The following SENP8 variants were observed in gnomAD, a reference collection of about 807,000 sequenced individuals.
SENP8 encodes the protein SUMO peptidase family member, NEDD8 specific.
Under a neutral mutation model 14.4 loss-of-function variants are expected in SENP8, and 10 were observed. That is an observed-to-expected ratio of 0.69 (90% CI 0.43 to 1.18). The LOEUF (loss-of-function observed/expected upper bound fraction) is 1.18. Among genes scored for constraint, SENP8 ranks in the 50% most tolerant of loss-of-function variants. The pLI is 0.00. For synonymous variants in SENP8, 94 were observed against 95.5 expected, an observed-to-expected ratio of 0.98 and a Z score of 0.09; for missense variants, 202 against 249.4, an observed-to-expected ratio of 0.81 and a Z score of 1.28.
chr15:72,125,025 G>A (rs1446242346), intron 1 of SENP8, among the ~76,000 whole-genome samples: 2 of 152,052 alleles, frequency 1.3e-5, no homozygotes, highest in Non-Finnish European at 2.9e-5. Flanking sequence ...AAACCCTGTT[G>A]TTTAATTTAC....
At chr15:72,133,059 T>A (rs1482667164) in intron 1 of SENP8, among the ~76,000 whole-genome samples, 1 of 152,094 alleles carries the variant, frequency 6.6e-6, no homozygotes, top group Non-Finnish European at 1.5e-5. Context: ...TAATCCCAGC[T>A]ACGCGGGAGG....
chr15:72,124,803 A>G (rs1265687858), intron 1 of SENP8, among the ~76,000 whole-genome samples: 1 of 152,154 alleles, frequency 6.6e-6, no homozygotes, highest in African/African-American at 2.4e-5. Flanking sequence ...TTAAAGCACA[A>G]TATCAAAAGG....
At position 72,143,344 on chromosome 15, in the gene SENP8, C is replaced by T. The variant is rs981878469; in HGVS notation, c.*3082C>T. 7 of 152,178 alleles carry T rather than the reference C, an allele frequency of 4.6e-5. No individual in the cohort carries two copies. The highest frequency in any genetic ancestry group is 1.2e-4 in the African/African-American group (5 of 41,428). The allele number at this position is 152,178 out of a possible 1,614,324, so 9.4% of individuals were successfully genotyped here. A position where few individuals can be genotyped will look rare whatever the true frequency, so the allele number is the denominator to read the frequency against. On this transcript the variant is annotated 3_prime_UTR_variant, in exon 2 of 2. Transcript: ENST00000340912. Reference sequence around the variant, plus strand: ...TGTCCTACTCAGTTCCATTTTAAGACTAACAACAAGTTTGAAAACTTAGTT... The same window carrying T: ...TGTCCTACTCAGTTCCATTTTAAGATTAACAACAAGTTTGAAAACTTAGTT...
chr15:72,135,731 A>G (rs1257288133), intron 1 of SENP8, among the ~76,000 whole-genome samples: 2 of 152,340 alleles, frequency 1.3e-5, no homozygotes, highest in African/African-American at 4.8e-5. Flanking sequence ...TGGTATTTTA[A>G]AAATCAAACA....
chr15:72,126,342 GGCCAGGCACAGTGGCTGAT>G (rs1479897993), intron 1 of SENP8, among the ~76,000 whole-genome samples: 1 of 152,114 alleles, frequency 6.6e-6, no homozygotes, highest in Non-Finnish European at 1.5e-5. Context: ...AAAATTTCCG[GGCCAGGCACAGTGGCTGAT>G]GCCTGTAATC....
chr15:72,135,652 G>A (rs763667770), intron 1 of SENP8, among the ~76,000 whole-genome samples: 1 of 152,134 alleles, frequency 6.6e-6, no homozygotes, highest in African/African-American at 2.4e-5. Flanking sequence ...TAGAATTTTT[G>A]GAGTTAAACT....
At chr15:72,114,944 T>C (rs2080916129), upstream of SENP8, among the ~76,000 whole-genome samples, 1 of 152,194 alleles carries the variant, frequency 6.6e-6, no homozygotes. Flanking sequence ...CTGAACAAAC[T>C]TCCACATAGT....
upstream of SENP8, among the ~76,000 whole-genome samples, chr15:72,114,856 A>C (rs956328703): frequency 2.6e-5 from 4 of 152,222 alleles, no homozygotes; most frequent in Admixed American, 2.6e-4. Context: ...ACATAACCAA[A>C]AATCACTCCA....
Position 72,141,333 on chromosome 15 carries a change from A to G in SENP8, c.*1071A>G, listed in dbSNP as rs932328741. 7 of 152,336 alleles carry G rather than the reference A, an allele frequency of 4.6e-5. No individual in the cohort carries two copies. Among genetic ancestry groups the G allele is most frequent in the African/African-American group, 1.7e-4 (7 of 41,580 alleles). The allele number at this position is 152,336 out of a possible 1,614,324, so 9.4% of individuals were successfully genotyped here. ...CTTAATTAAAAATGCAGGGAATGTA[A>G]TTTGTAAAATGTGGAACCAAGAGTA... On this transcript the variant is annotated 3_prime_UTR_variant, in exon 2 of 2. Transcript: ENST00000340912.
rs1323267349 is a variant in SENP8, at chr15:72,140,305, C to A, written c.*43C>A. 1.4e-6 allele frequency: 2 copies of A among 1,415,744 alleles called. No homozygotes were observed. The highest frequency in any genetic ancestry group is 2.0e-6 in the Non-Finnish European group (2 of 1,010,314). The allele number at this position is 1,415,744 out of a possible 1,614,324, so 87.7% of individuals were successfully genotyped here. ...CGACTTTTGAAGGCTCCTCTTTCTG[C>A]CCTTCCCCATTTGTTGGATGGCTGC... On this transcript the variant is annotated 3_prime_UTR_variant, in exon 2 of 2. Coordinates refer to ENST00000340912, the MANE Select transcript of SENP8 (RefSeq NM_145204.4).
At chr15:72,132,530 T>A (rs1332947570) in intron 1 of SENP8, among the ~76,000 whole-genome samples, 1 of 152,130 alleles carries the variant, frequency 6.6e-6, no homozygotes, top group Non-Finnish European at 1.5e-5. Flanking sequence ...TCCTAAATGA[T>A]TATAGATGGC....
rs1285271705 is a variant in SENP8 at position 72,143,429 on chromosome 15, C to G, written c.*3167C>G. ...AATGGCTGATAATTACTGTTATGTA[C>G]AAAAGAGAAACTTATTCAAGGATGG... On this transcript the variant is annotated 3_prime_UTR_variant, in exon 2 of 2. Transcript: ENST00000340912. 6.6e-6 allele frequency: 1 copy of G among 152,102 alleles called. No individual in the cohort carries two copies. The highest frequency in any genetic ancestry group is 1.5e-5 in the Non-Finnish European group (1 of 68,020). 9.4% of individuals were successfully genotyped at this position (152,102 alleles called of 1,614,324 possible).
chr15:72,122,722 C>T (rs953728487), intron 1 of SENP8, among the ~76,000 whole-genome samples: 1 of 152,142 alleles, frequency 6.6e-6, no homozygotes, highest in Non-Finnish European at 1.5e-5. Flanking sequence ...CTATCTGACA[C>T]CTTTTGCGGG....
At position 72,140,296 on chromosome 15, in the gene SENP8, C is replaced by A; in HGVS notation, c.*34C>A. 1 of 1,469,402 alleles carries A rather than the reference C, an allele frequency of 6.8e-7. No individual in the cohort carries two copies. Among genetic ancestry groups the A allele is most frequent in the Non-Finnish European group, 9.5e-7 (1 of 1,055,378 alleles). The allele number at this position is 1,469,402 out of a possible 1,614,324, so 91.0% of individuals were successfully genotyped here. On this transcript the variant is annotated 3_prime_UTR_variant, in exon 2 of 2. Coordinates refer to ENST00000340912, the MANE Select transcript of SENP8 (RefSeq NM_145204.4). ...GTATATTTGCGACTTTTGAAGGCTC[C>A]TCTTTCTGCCCTTCCCCATTTGTTG...
intron 1 of SENP8, among the ~76,000 whole-genome samples, chr15:72,120,167 A>C (rs2081151344): frequency 1.3e-5 from 2 of 152,216 alleles, no homozygotes; most frequent in African/African-American, 4.8e-5. Context: ...TCTATTATTT[A>C]TCATTTAAGT....
At chr15:72,118,016 C>A (rs560754608), upstream of SENP8, 4 of 397,402 alleles carry the variant, frequency 1.0e-5, no homozygotes, top group Non-Finnish European at 1.8e-5. Flanking sequence ...GCAGTCCGGG[C>A]TGTCCTGTAC....
chr15:72,139,302 A>C (rs2081357310), intron 1 of SENP8: 3 of 239,302 alleles, frequency 1.3e-5, no homozygotes, highest in Non-Finnish European at 2.4e-5. Flanking sequence ...TATATTTACT[A>C]TTCATTAAGT....
intron 1 of SENP8, among the ~76,000 whole-genome samples, chr15:72,130,949 G>C (rs1296525797): frequency 6.6e-6 from 1 of 152,126 alleles, no homozygotes; most frequent in Admixed American, 6.5e-5. Flanking sequence ...TGGAAACTTA[G>C]AAAAGAGCTA....
At chr15:72,132,476 C>T (rs1200054228) in intron 1 of SENP8, among the ~76,000 whole-genome samples, 1 of 151,926 alleles carries the variant, frequency 6.6e-6, no homozygotes, top group Non-Finnish European at 1.5e-5. Context: ...ACATTTATTG[C>T]ACTTCAGATA....
Sources: gnomAD v4.1 joint callset for allele counts (sites outside exome capture counted in the v4.1 genomes callset) on GRCh38, gnomAD v4.1.1 for gene constraint, MANE v1.5 for transcripts, NCBI Gene and HGNC (gene_info 2026-07-23, HGNC 2026-07-21) for gene names.